Variants in SLC25A15 observed in about 807,000 individuals in gnomAD.
SLC25A15 encodes the protein mitochondrial ornithine transporter 1.
A neutral mutation model predicts 32.3 loss-of-function variants in SLC25A15; 24 were observed. The observed-to-expected ratio is 0.74, with a 90% CI of 0.54 to 1.04. SLC25A15 has a LOEUF of 1.04. Ranked by LOEUF, SLC25A15 falls within the 50% of genes least tolerant of loss-of-function variation. The pLI is 0.00. For synonymous variants in SLC25A15, 132 were observed against 142.1 expected (o/e 0.93, Z 0.51); for missense variants, 317 against 374.5 (o/e 0.85, Z 1.27).
At chr13:40,805,050 C>G in intron 3 of SLC25A15, 68 bp from the exon 4 acceptor site, 1 of 1,593,114 alleles carries the variant, frequency 6.3e-7, no homozygotes, top group Non-Finnish European at 8.6e-7. Context: ...CACCAAAGTG[C>G]TGTCTGTGTG....
chr13:40,811,290 A>G lies in SLC25A15; in HGVS notation c.*1623A>G, dbSNP rs988989832. Among the ~76,000 whole-genome samples, 1 of 152,216 alleles carries G rather than the reference A, an allele frequency of 6.6e-6. No homozygotes were observed. The highest frequency in any genetic ancestry group is 1.5e-5 in the Non-Finnish European group (1 of 68,034). ...CGGGTCACAAGGTCAGGAGTTCGAG[A>G]ACAGCCTGACCAACATGGTGAAACC... On this transcript the variant is annotated 3_prime_UTR_variant, in exon 7 of 7. Coordinates refer to ENST00000338625, the MANE Select transcript of SLC25A15 (RefSeq NM_014252.4).
intron 3 of SLC25A15, 67 bp from the exon 4 acceptor site, chr13:40,805,051 T>C (rs1882110794): frequency 3.8e-6 from 6 of 1,596,756 alleles, no homozygotes; most frequent in Non-Finnish European, 5.1e-6. Flanking sequence ...ACCAAAGTGC[T>C]GTCTGTGTGG....
chr13:40,806,159 T>C (rs919576543), intron 4 of SLC25A15, among the ~76,000 whole-genome samples: 5 of 152,142 alleles, frequency 3.3e-5, no homozygotes, highest in African/African-American at 9.7e-5. Context: ...AGAGTGTAAG[T>C]CTTTAAAACT....
intron 1 of SLC25A15, among the ~76,000 whole-genome samples, chr13:40,792,566 A>C (rs1881549945): frequency 6.6e-6 from 1 of 152,204 alleles, no homozygotes; most frequent in Admixed American, 6.5e-5. Context: ...CATCAGTCTG[A>C]TGTGGCTATT....
At chr13:40,802,536 G>A (rs1331507950) in intron 3 of SLC25A15, among the ~76,000 whole-genome samples, 1 of 151,550 alleles carries the variant, frequency 6.6e-6, no homozygotes, top group Non-Finnish European at 1.5e-5. Flanking sequence ...CTTTAACACT[G>A]GAAAAACTTG....
At chr13:40,807,914 C>T (rs532628532) in intron 5 of SLC25A15, among the ~76,000 whole-genome samples, 2 of 152,302 alleles carry the variant, frequency 1.3e-5, no homozygotes, top group African/African-American at 4.8e-5. Flanking sequence ...GTTTGGCTCA[C>T]ATAAGTGAGT....
chr13:40,800,411 C>G (rs1881833667), intron 3 of SLC25A15, among the ~76,000 whole-genome samples: 2 of 152,094 alleles, frequency 1.3e-5, no homozygotes, highest in South Asian at 4.1e-4. Flanking sequence ...GGGCACAAAC[C>G]AGGAGAGTAT....
At position 40,808,445 on chromosome 13, in the gene SLC25A15, A is replaced by G. The variant is rs1882287233; in HGVS notation, c.630A>G (p.Val210=). The stretch of plus-strand genomic sequence containing the variant: ...TATTTTTTTTTTCTCTAGGCCCTGT[A>G]CCTTTGATGTTAAGTGGTGGAGTTG... ...SGRSKDELGP[V]PLMLSGGVGG... The change falls in exon 6 of 7, where the codon GTA becomes GTG. Residue 210 remains valine (V), a synonymous_variant. Transcript: ENST00000338625. 1 of 1,613,012 alleles carries G rather than the reference A, an allele frequency of 6.2e-7. No individual in the cohort carries two copies. Among genetic ancestry groups the G allele is most frequent in the Non-Finnish European group, 8.5e-7 (1 of 1,179,900 alleles).
intron 4 of SLC25A15, among the ~76,000 whole-genome samples, chr13:40,805,561 A>T (rs1882143806): frequency 6.6e-6 from 1 of 152,216 alleles, no homozygotes; most frequent in South Asian, 2.1e-4. Context: ...TTTTGGAGGT[A>T]CATAATGGGT....
At chr13:40,792,491 C>A (rs1881545313) in intron 1 of SLC25A15, among the ~76,000 whole-genome samples, 1 of 152,236 alleles carries the variant, frequency 6.6e-6, no homozygotes, top group Admixed American at 6.5e-5. Context: ...ATGTGTGTGA[C>A]AGGAAGATGC....
chr13:40,793,075 T>A, intron 1 of SLC25A15, 83 bp from the exon 2 acceptor site: 1 of 764,472 alleles, frequency 1.3e-6, no homozygotes, highest in Non-Finnish European at 2.3e-6. Flanking sequence ...CTCCCAGAAG[T>A]TTAGGTTCTG....
rs1159443170 is a variant in SLC25A15 at position 40,810,834 on chromosome 13, A to G, written c.*1167A>G. 2 of 534,708 alleles carry G rather than the reference A, an allele frequency of 3.7e-6. No individual in the cohort carries two copies. Among genetic ancestry groups the G allele is most frequent in the Non-Finnish European group, 7.7e-6 (2 of 260,108 alleles). The allele number at this position is 534,708 out of a possible 1,614,324, so 33.1% of individuals were successfully genotyped here. ...CTGATGAAGACCCATGTGGCTAGCA[A>G]CAGCGCTTACCTTTTGTCTCTGGGT... On this transcript the variant is annotated 3_prime_UTR_variant, in exon 7 of 7. Coordinates refer to ENST00000338625, the MANE Select transcript of SLC25A15 (RefSeq NM_014252.4).
At chr13:40,795,748 A>T (rs571840429) in intron 2 of SLC25A15, among the ~76,000 whole-genome samples, 12 of 152,286 alleles carry the variant, frequency 7.9e-5, no homozygotes, top group African/African-American at 2.9e-4. Flanking sequence ...TGTGAGGCCT[A>T]TGGAATGCAA....
intron 2 of SLC25A15, among the ~76,000 whole-genome samples, chr13:40,793,799 G>GT (rs1375892686): frequency 1.3e-5 from 2 of 152,234 alleles, no homozygotes; most frequent in African/African-American, 4.8e-5. Context: ...AGGAGTGTCC[G>GT]TTATTGTTAA....
At chr13:40,791,351 T>TATG (rs1282017146) in intron 1 of SLC25A15, among the ~76,000 whole-genome samples, 1 of 143,574 alleles carries the variant, frequency 7.0e-6, no homozygotes, top group Non-Finnish European at 1.5e-5. Flanking sequence ...TTTTATTTTC[T>TATG]ATTATTATTA....
At chr13:40,793,880 C>T (rs1335540670) in intron 2 of SLC25A15, among the ~76,000 whole-genome samples, 2 of 152,208 alleles carry the variant, frequency 1.3e-5, no homozygotes, top group African/African-American at 2.4e-5. Context: ...GGTGAAGCCA[C>T]GTGTCCATTG....
In SLC25A15 at chr13:40,799,128, C is replaced by T; in HGVS notation, c.127C>T (p.Leu43=). The stretch of plus-strand genomic sequence containing the variant: ...AGTGAAGATGCAGACGTTCCCTGAC[C>T]TGTACCGGGGCCTCACCGACTGCTG... The part of the protein sequence containing the change: ...MKVKMQTFPD[L]YRGLTDCCLK... Residue 43 remains leucine (L), a synonymous_variant, in exon 3 of 7, where the codon CTG becomes TTG. Coordinates refer to ENST00000338625, the MANE Select transcript of SLC25A15 (RefSeq NM_014252.4). 6.2e-7 allele frequency: 1 copy of T among 1,614,220 alleles called. No homozygotes were observed. The highest frequency in any genetic ancestry group is 1.3e-5 in the African/African-American group (1 of 75,046).
intron 3 of SLC25A15, among the ~76,000 whole-genome samples, chr13:40,799,858 C>T (rs866162973): frequency 1.3e-5 from 2 of 152,242 alleles, no homozygotes; most frequent in South Asian, 2.1e-4. Context: ...TTGTCTGAGC[C>T]AGATGAACTT....
At chr13:40,795,233 C>T (rs1235833610) in intron 2 of SLC25A15, among the ~76,000 whole-genome samples, 3 of 152,204 alleles carry the variant, frequency 2.0e-5, no homozygotes, top group Non-Finnish European at 2.9e-5. Context: ...TGCTCTTGGG[C>T]TCAGTTCTGT....
Sources: allele counts gnomAD v4.1 joint callset (sites outside exome capture counted in the v4.1 genomes callset), GRCh38; gene constraint gnomAD v4.1.1; transcripts MANE v1.5; gene names NCBI Gene and HGNC (gene_info 2026-07-23, HGNC 2026-07-21).